Variants in HTR4 observed in about 807,000 individuals in gnomAD.
HTR4 encodes 5-hydroxytryptamine (serotonin) receptor 4, G protein-coupled.
Under a neutral mutation model 36.8 loss-of-function variants are expected in HTR4, and 16 were observed. The observed-to-expected ratio is 0.43, with a 90% confidence interval of 0.29 to 0.66. HTR4 has a LOEUF of 0.66. HTR4 is among the 30% of genes least tolerant of loss of function. The pLI is 0.13. For missense variants in HTR4, 438 were observed against 490.9 expected (o/e 0.89, Z 1.02); for synonymous variants, 189 against 185.1 (o/e 1.02, Z -0.17).
In HTR4 at chr5:148,482,893, C is replaced by T; in HGVS notation, c.*310G>A. On this transcript the variant is annotated 3_prime_UTR_variant, in exon 7 of 7. Coordinates refer to ENST00000377888, the MANE Select transcript of HTR4 (RefSeq NM_000870.7). Reference sequence around the variant, plus strand: ...TATCGTGCTTAGAACGTGAGTGAGACAGATCAGACACAGTGAGTGACGGGA... The same window carrying T: ...TATCGTGCTTAGAACGTGAGTGAGATAGATCAGACACAGTGAGTGACGGGA... 1 of 1,256,030 alleles carries T rather than the reference C, an allele frequency of 8.0e-7. No homozygotes were observed. The highest frequency in any genetic ancestry group is 1.0e-6 in the Non-Finnish European group (1 of 988,406). The allele number at this position is 1,256,030 out of a possible 1,614,324, so 77.8% of individuals were successfully genotyped here. A position where few individuals can be genotyped will look rare whatever the true frequency, so the allele number is the denominator to read the frequency against.
downstream of HTR4, among the ~76,000 whole-genome samples, chr5:148,474,862 A>G (rs1203927735): frequency 6.6e-6 from 1 of 152,124 alleles, no homozygotes; most frequent in Admixed American, 6.5e-5. Context: ...CCTGGGCAAC[A>G]CGGTGAAACC....
intron 2 of HTR4, among the ~76,000 whole-genome samples, chr5:148,611,202 A>G (rs1283796221): frequency 7.5e-5 from 11 of 146,050 alleles, no homozygotes; most frequent in African/African-American, 2.5e-4. Flanking sequence ...CCTCGAGAAG[A>G]GCAACTCCAA....
intron 4 of HTR4, among the ~76,000 whole-genome samples, chr5:148,528,266 T>C (rs555242820): frequency 1.3e-5 from 2 of 152,206 alleles, no homozygotes; most frequent in Non-Finnish European, 2.9e-5. Flanking sequence ...CTCTGCAGCT[T>C]CTTCAATGTG....
chr5:148,510,348 G>A (rs1757440222), intron 5 of HTR4, among the ~76,000 whole-genome samples: 1 of 152,314 alleles, frequency 6.6e-6, no homozygotes, highest in South Asian at 2.1e-4. Context: ...AAGAGGAACT[G>A]AAGGCTCCAG....
chr5:148,529,408 A>G (rs1188332381), intron 4 of HTR4, among the ~76,000 whole-genome samples: 1 of 152,148 alleles, frequency 6.6e-6, no homozygotes, highest in Admixed American at 6.5e-5. Context: ...TGTTCTCATG[A>G]TGGTGACTGG....
intron 5 of HTR4, chr5:148,465,878 G>C (rs771173762): frequency 6.2e-7 from 1 of 1,613,170 alleles, no homozygotes; most frequent in Non-Finnish European, 8.5e-7. Flanking sequence ...GACAGGAACT[G>C]GTCTATTGCA....
chr5:148,537,456 T>G (rs757316680), intron 4 of HTR4, among the ~76,000 whole-genome samples: 1 of 151,518 alleles, frequency 6.6e-6, no homozygotes, highest in Non-Finnish European at 1.5e-5. Context: ...AGAAGTTAGG[T>G]TTTTGAAAAC....
At chr5:148,463,265 C>T (rs1275254618) in intron 5 of HTR4, among the ~76,000 whole-genome samples, 10 of 148,828 alleles carry the variant, frequency 6.7e-5, no homozygotes, top group African/African-American at 1.2e-4. Flanking sequence ...TTCCATCTCC[C>T]GGGTTCAAGC....
At chr5:148,569,921 G>C (rs1441619381) in intron 2 of HTR4, among the ~76,000 whole-genome samples, 2 of 152,020 alleles carry the variant, frequency 1.3e-5, no homozygotes, top group African/African-American at 4.8e-5. Context: ...TAAACTACAT[G>C]AATTTGTATG....
At chr5:148,505,493 A>G (rs1452769949) in intron 6 of HTR4, among the ~76,000 whole-genome samples, 1 of 152,184 alleles carries the variant, frequency 6.6e-6, no homozygotes, top group Non-Finnish European at 1.5e-5. Context: ...CACCACTCCT[A>G]TTCAACATAG....
At chr5:148,457,286 A>T (rs556851366) in intron 5 of HTR4, among the ~76,000 whole-genome samples, 5 of 152,282 alleles carry the variant, frequency 3.3e-5, no homozygotes, top group Non-Finnish European at 7.3e-5. Context: ...ATTAAAAAAC[A>T]CTGCTGTTTC....
rs1206868544 is a variant in HTR4, at chr5:148,481,673, C to A, written c.*1530G>T. On this transcript the variant is annotated 3_prime_UTR_variant, in exon 7 of 7. Transcript: ENST00000377888. Reference sequence around the variant, plus strand: ...GAAACAATAACTGACACCTTATAAGCAATAAGAAAAAAAGAGAATATGATA... The same window carrying A: ...GAAACAATAACTGACACCTTATAAGAAATAAGAAAAAAAGAGAATATGATA... The A allele has an allele frequency of 1.3e-5, 20 of 1,483,192 alleles. No individual in the cohort carries two copies. The South Asian group carries it at 1.5e-4, about 11-fold the overall frequency. 91.9% of individuals were successfully genotyped at this position (1,483,192 alleles called of 1,614,324 possible).
intron 2 of HTR4, among the ~76,000 whole-genome samples, chr5:148,587,569 T>C (rs928895935): frequency 6.6e-6 from 1 of 152,176 alleles, no homozygotes; most frequent in Non-Finnish European, 1.5e-5. Context: ...AGTAGAACTC[T>C]GGAAGGTAGG....
At chr5:148,583,777 G>A (rs977178248) in intron 2 of HTR4, among the ~76,000 whole-genome samples, 10 of 151,982 alleles carry the variant, frequency 6.6e-5, no homozygotes, top group East Asian at 5.8e-4. Context: ...AGGCATTTCC[G>A]GGGAGCTCCT....
At chr5:148,653,381 C>A (rs1230047386) in intron 1 of HTR4, among the ~76,000 whole-genome samples, 1 of 152,200 alleles carries the variant, frequency 6.6e-6, no homozygotes. Context: ...ACATCCACTT[C>A]TTTCAAAGAC....
At chr5:148,588,168 A>G (rs1357663699) in intron 2 of HTR4, among the ~76,000 whole-genome samples, 1 of 152,220 alleles carries the variant, frequency 6.6e-6, no homozygotes, top group Non-Finnish European at 1.5e-5. Context: ...ACCATCAGTC[A>G]GCTCTGTGGT....
At chr5:148,479,374 A>G (rs1755803597), downstream of HTR4, among the ~76,000 whole-genome samples, 1 of 152,168 alleles carries the variant, frequency 6.6e-6, no homozygotes, top group African/African-American at 2.4e-5. Context: ...GAGAAGCTCC[A>G]CAAGACTGAG....
intron 2 of HTR4, among the ~76,000 whole-genome samples, chr5:148,599,809 G>A (rs1761917365): frequency 6.6e-6 from 1 of 151,774 alleles, no homozygotes; most frequent in Non-Finnish European, 1.5e-5. Context: ...TCTAAGAAAG[G>A]AAGGAGATAA....
intron 1 of HTR4, among the ~76,000 whole-genome samples, chr5:148,646,958 G>A (rs1753891158): frequency 6.6e-6 from 1 of 152,160 alleles, no homozygotes; most frequent in South Asian, 2.1e-4. Flanking sequence ...AGCTCTCCCA[G>A]CTTAATTTAC....
Sources: gnomAD v4.1 joint callset for allele counts (sites outside exome capture counted in the v4.1 genomes callset) on GRCh38, gnomAD v4.1.1 for gene constraint, MANE v1.5 for transcripts, NCBI Gene and HGNC (gene_info 2026-07-23, HGNC 2026-07-21) for gene names.